Variants in MARCHF1 observed in about 807,000 individuals in gnomAD.
The protein encoded by MARCHF1 is E3 ubiquitin-protein ligase MARCHF1.
A neutral mutation model predicts 54.2 loss-of-function variants in MARCHF1; 40 were observed. The ratio of observed to expected loss-of-function variants is 0.74; its 90% CI spans 0.57 to 0.96. The LOEUF is 0.96. MARCHF1 is among the 40% of genes least tolerant of loss of function. The pLI is 0.00. For synonymous variants in MARCHF1, 236 were observed against 236.3 expected, an observed-to-expected ratio of 1.00 and a Z score of 0.01; for missense variants, 586 against 656.5, an observed-to-expected ratio of 0.89 and a Z score of 1.17.
At chr4:164,033,719 T>G (rs1231489204) in intron 2 of MARCHF1, among the ~76,000 whole-genome samples, 1 of 152,106 alleles carries the variant, frequency 6.6e-6, no homozygotes, top group East Asian at 1.9e-4. Context: ...AAAACCACAA[T>G]TAGATACCAT....
chr4:163,934,789 A>T (rs1035620573), intron 3 of MARCHF1, among the ~76,000 whole-genome samples: 4 of 151,962 alleles, frequency 2.6e-5, no homozygotes, highest in Non-Finnish European at 5.9e-5. Flanking sequence ...CAGTCAAGTT[A>T]GTCAACTGAA....
At chr4:164,167,611 A>T (rs958543830) in intron 1 of MARCHF1, among the ~76,000 whole-genome samples, 14 of 151,926 alleles carry the variant, frequency 9.2e-5, no homozygotes, top group African/African-American at 3.1e-4. Context: ...TAAAAAGTCT[A>T]GAAATAGATT....
intron 4 of MARCHF1, among the ~76,000 whole-genome samples, chr4:163,813,005 T>G (rs1748435865): frequency 6.6e-6 from 1 of 152,158 alleles, no homozygotes; most frequent in Non-Finnish European, 1.5e-5. Flanking sequence ...TAGGGTATTA[T>G]AGTTAAATGA....
chr4:164,079,068 T>G (rs1755037961), intron 2 of MARCHF1, among the ~76,000 whole-genome samples: 1 of 152,222 alleles, frequency 6.6e-6, no homozygotes, highest in South Asian at 2.1e-4. Context: ...CATCTTTTTC[T>G]CCATTTATGG....
chr4:164,333,723 T>C (rs1013283005), intron 1 of MARCHF1, among the ~76,000 whole-genome samples: 10 of 152,208 alleles, frequency 6.6e-5, no homozygotes, highest in African/African-American at 2.4e-4. Context: ...GGTCACTGTC[T>C]CTCACTTGAA....
intron 1 of MARCHF1, chr4:164,189,679 C>G: frequency 1.0e-6 from 1 of 967,922 alleles, no homozygotes; most frequent in Admixed American, 1.7e-5. Context: ...CATGATCAAA[C>G]TGATTCCAAG....
chr4:164,168,080 C>A (rs545602800), intron 1 of MARCHF1, among the ~76,000 whole-genome samples: 9 of 151,918 alleles, frequency 5.9e-5, no homozygotes, highest in East Asian at 1.9e-4. Context: ...TAGCAAAAAA[C>A]CAAACTGATT....
intron 5 of MARCHF1, among the ~76,000 whole-genome samples, chr4:163,670,325 T>C (rs1027620959): frequency 5.3e-5 from 8 of 151,992 alleles, no homozygotes; most frequent in African/African-American, 1.7e-4. Flanking sequence ...AAAAATAACA[T>C]GACATCAAAA....
At chr4:163,976,168 T>A (rs1752646434) in intron 3 of MARCHF1, among the ~76,000 whole-genome samples, 1 of 152,214 alleles carries the variant, frequency 6.6e-6, no homozygotes, top group Non-Finnish European at 1.5e-5. Context: ...TGTATGTCTC[T>A]AATTTTTCCT....
chr4:164,164,779 C>T (rs1579587114), intron 1 of MARCHF1, among the ~76,000 whole-genome samples: 1 of 151,950 alleles, frequency 6.6e-6, no homozygotes. Flanking sequence ...AATAACAACT[C>T]CACATACATA....
chr4:163,711,853 G>A (rs2111258213), intron 4 of MARCHF1, among the ~76,000 whole-genome samples: 1 of 152,182 alleles, frequency 6.6e-6, no homozygotes, highest in South Asian at 2.1e-4. Flanking sequence ...TATCCAATTT[G>A]GAAATGCTAT....
intron 3 of MARCHF1, among the ~76,000 whole-genome samples, chr4:163,860,448 A>G (rs1749897930): frequency 6.6e-6 from 1 of 152,194 alleles, no homozygotes; most frequent in Non-Finnish European, 1.5e-5. Context: ...TACAAAAAAG[A>G]CTTATTCTCC....
At chr4:164,101,210 T>G (rs979856574) in intron 2 of MARCHF1, among the ~76,000 whole-genome samples, 2 of 152,170 alleles carry the variant, frequency 1.3e-5, no homozygotes, top group Non-Finnish European at 2.9e-5. Context: ...TTGCCCAGGC[T>G]TGATTAGGTA....
At chr4:164,127,804 T>G (rs997029657) in intron 1 of MARCHF1, among the ~76,000 whole-genome samples, 4 of 152,162 alleles carry the variant, frequency 2.6e-5, no homozygotes, top group African/African-American at 9.6e-5. Context: ...AAATTTTAAA[T>G]TATTCCCCCA....
chr4:164,320,921 G>C (rs1735124420), intron 1 of MARCHF1, among the ~76,000 whole-genome samples: 1 of 152,176 alleles, frequency 6.6e-6, no homozygotes, highest in Non-Finnish European at 1.5e-5. Context: ...ATAAGTGTCA[G>C]CAAAGCGTTG....
intron 7 of MARCHF1, among the ~76,000 whole-genome samples, chr4:163,607,688 T>C (rs1741189076): frequency 1.3e-5 from 2 of 152,154 alleles, no homozygotes; most frequent in Admixed American, 1.3e-4. Flanking sequence ...AAATACATTC[T>C]TTAGATTCTT....
intron 2 of MARCHF1, among the ~76,000 whole-genome samples, chr4:164,023,705 A>T (rs537194792): frequency 1.8e-4 from 28 of 152,302 alleles, no homozygotes; most frequent in Admixed American, 1.2e-3. Context: ...AAATGAGCCC[A>T]CTAGCTTCCC....
chr4:164,095,997 A>G (rs1755402241), intron 2 of MARCHF1, among the ~76,000 whole-genome samples: 1 of 152,186 alleles, frequency 6.6e-6, no homozygotes, highest in South Asian at 2.1e-4. Flanking sequence ...CACTGTGGAA[A>G]GCAGTATGAA....
chr4:164,193,013 C>T (rs1195320030), intron 1 of MARCHF1, among the ~76,000 whole-genome samples: 2 of 152,186 alleles, frequency 1.3e-5, no homozygotes, highest in Non-Finnish European at 2.9e-5. Flanking sequence ...CAAATGCCTA[C>T]ACCTGTGTGA....
Sources: gnomAD v4.1 joint callset for allele counts (sites outside exome capture counted in the v4.1 genomes callset) on GRCh38, gnomAD v4.1.1 for gene constraint, MANE v1.5 for transcripts, NCBI Gene and HGNC (gene_info 2026-07-23, HGNC 2026-07-21) for gene names.